The following UBR3 variants were observed in gnomAD, a reference collection of about 807,000 sequenced individuals.
UBR3 encodes E3 ubiquitin-protein ligase UBR3.
In UBR3, 85 loss-of-function variants were observed where a neutral mutation model predicts 243.2. The ratio of observed to expected loss-of-function variants is 0.35; its 90% CI spans 0.29 to 0.42. The LOEUF is 0.42. Among genes scored for constraint, UBR3 ranks in the 10% least tolerant of loss-of-function variants. The pLI, the probability that UBR3 is intolerant of heterozygous loss-of-function variation, is 1.00. For missense variants in UBR3, 1,686 were observed against 2,300.8 expected, an observed-to-expected ratio of 0.73 and a Z score of 5.47; for synonymous variants, 748 against 799.8, an observed-to-expected ratio of 0.94 and a Z score of 1.09.
At chr2:169,958,071 C>T (rs1401811604) in intron 23 of UBR3, among the ~76,000 whole-genome samples, 1 of 141,064 alleles carries the variant, frequency 7.1e-6, no homozygotes, top group African/African-American at 2.5e-5. Context: ...TTATTTGTGC[C>T]TGGGATTAAA....
At chr2:169,909,728 C>CAT (rs1251299927) in intron 10 of UBR3, among the ~76,000 whole-genome samples, 54 of 124,984 alleles carry the variant, frequency 4.3e-4, no homozygotes, top group Non-Finnish European at 4.2e-4. Context: ...TCCCACAATG[C>CAT]ATGTGTGTGT....
intron 19 of UBR3, among the ~76,000 whole-genome samples, chr2:169,935,013 C>T (rs1425873488): frequency 6.7e-6 from 1 of 149,298 alleles, no homozygotes; most frequent in Non-Finnish European, 1.5e-5. Context: ...CCAAATACCC[C>T]TGAGTGGGCA....
At chr2:169,946,187 A>C (rs2086786976) in intron 20 of UBR3, 101 bp from the exon 21 acceptor site, 1 of 596,444 alleles carries the variant, frequency 1.7e-6, no homozygotes, top group South Asian at 2.6e-5. Flanking sequence ...CTAGATATTA[A>C]AGTACTTTTC....
At chr2:169,891,077 T>C (rs2084356852) in intron 5 of UBR3, 88 bp from the exon 6 acceptor site, 1 of 910,702 alleles carries the variant, frequency 1.1e-6, no homozygotes. Flanking sequence ...GCATATATTA[T>C]GTGTTTAATG....
At chr2:169,954,830 C>G (rs2105364980) in intron 23 of UBR3, among the ~76,000 whole-genome samples, 1 of 152,286 alleles carries the variant, frequency 6.6e-6, no homozygotes, top group South Asian at 2.1e-4. Flanking sequence ...GTCTCGGCAT[C>G]CCAAAGTGCT....
chr2:169,971,780 T>G (rs908243345), intron 24 of UBR3, among the ~76,000 whole-genome samples: 1 of 152,048 alleles, frequency 6.6e-6, no homozygotes, highest in Non-Finnish European at 1.5e-5. Context: ...TAGAGGGAAA[T>G]TTATAGCACT....
At chr2:170,033,364 AC>A (rs371023060) in intron 31 of UBR3, among the ~76,000 whole-genome samples, 11 of 152,072 alleles carry the variant, frequency 7.2e-5, no homozygotes, top group African/African-American at 2.4e-4. Context: ...TGTACTAGGT[AC>A]TGTTTTATAC....
chr2:170,047,606 TGGA>T (rs1440447799), intron 32 of UBR3, among the ~76,000 whole-genome samples: 3 of 152,078 alleles, frequency 2.0e-5, no homozygotes, highest in African/African-American at 7.2e-5. Flanking sequence ...CAAGAGAGAA[TGGA>T]GGAGGAGAAC....
chr2:169,980,737 A>T (rs1221302589), intron 24 of UBR3, among the ~76,000 whole-genome samples: 48 of 150,126 alleles, frequency 3.2e-4, no homozygotes, highest in Non-Finnish European at 5.9e-4. Context: ...ATTTAGCATT[A>T]GGTATATCTC....
intron 19 of UBR3, among the ~76,000 whole-genome samples, chr2:169,933,799 C>G (rs2086225640): frequency 1.3e-5 from 2 of 152,098 alleles, no homozygotes; most frequent in African/African-American, 4.8e-5. Context: ...CTATCACAGA[C>G]AAATATCTGA....
At chr2:169,886,072 G>T (rs559337493) in intron 5 of UBR3, among the ~76,000 whole-genome samples, 2 of 150,936 alleles carry the variant, frequency 1.3e-5, no homozygotes, top group African/African-American at 2.4e-5. Context: ...CAGGAGAATC[G>T]CTTGAACCCG....
At chr2:169,839,082 A>C (rs1045613677) in intron 1 of UBR3, among the ~76,000 whole-genome samples, 1 of 152,258 alleles carries the variant, frequency 6.6e-6, no homozygotes, top group Non-Finnish European at 1.5e-5. Context: ...TGCTTATTGC[A>C]GCACCATTCA....
chr2:169,933,565 T>C (rs1270212161), intron 19 of UBR3, among the ~76,000 whole-genome samples: 6 of 152,202 alleles, frequency 3.9e-5, no homozygotes. Context: ...CCATTGTAAA[T>C]GTATTATTTC....
intron 32 of UBR3, among the ~76,000 whole-genome samples, chr2:170,051,393 G>A (rs777977372): frequency 1.3e-5 from 2 of 151,830 alleles, no homozygotes; most frequent in Non-Finnish European, 2.9e-5. Flanking sequence ...GCCCAGGCTG[G>A]AGTGCAATGG....
At chr2:169,842,098 T>C (rs2082314373) in intron 1 of UBR3, among the ~76,000 whole-genome samples, 1 of 152,260 alleles carries the variant, frequency 6.6e-6, no homozygotes, top group East Asian at 1.9e-4. Flanking sequence ...AGTGCACCAA[T>C]CGACACTCTG....
chr2:169,901,982 TCAAA>T (rs1355830509), intron 8 of UBR3, among the ~76,000 whole-genome samples: 1 of 152,198 alleles, frequency 6.6e-6, no homozygotes, highest in Non-Finnish European at 1.5e-5. Context: ...TATAAACACC[TCAAA>T]CACACAGTGT....
intron 1 of UBR3, among the ~76,000 whole-genome samples, chr2:169,844,015 T>TG (rs1444427706): frequency 6.6e-6 from 1 of 150,612 alleles, no homozygotes. Context: ...TACTTTTTTT[T>TG]TTTTTTTTGA....
At chr2:170,002,850 T>C (rs1403182486) in intron 27 of UBR3, among the ~76,000 whole-genome samples, 5 of 152,122 alleles carry the variant, frequency 3.3e-5, no homozygotes, top group Admixed American at 6.5e-5. Context: ...GTAACTTTTA[T>C]TTTATTTATT....
Position 169,827,822 on chromosome 2 carries a change from C to A in UBR3, c.315C>A (p.Asp105Glu). ...KCLLAGGGGYDEFCAAVRAYD... is the reference protein window; with the variant it reads ...KCLLAGGGGYEEFCAAVRAYD... ...TTCTGGCGGGCGGCGGCGGCTACGA[C>A]GAGTTCTGCGCGGCGGTGCGGGCCT... The change falls in exon 1 of 39, where the codon GAC becomes GAA. Residue 105 changes from aspartate (D) to glutamate (E), a missense_variant. Around this residue, in one of 8 missense-constraint regions of UBR3, gnomAD observed 145 missense variants for 243.8 expected, o/e 0.59. Transcript: ENST00000272793. The A allele has an allele frequency of 6.7e-7, 1 of 1,500,304 alleles. No homozygotes were observed. 92.9% of individuals were successfully genotyped at this position (1,500,304 alleles called of 1,614,324 possible). A position where few individuals can be genotyped will look rare whatever the true frequency, so the allele number is the denominator to read the frequency against.
Sources: gnomAD v4.1 joint callset for allele counts (sites outside exome capture counted in the v4.1 genomes callset) on GRCh38, gnomAD v4.1.1 for gene constraint, gnomAD v4.1.1 regional missense constraint, MANE v1.5 for transcripts, NCBI Gene and HGNC (gene_info 2026-07-23, HGNC 2026-07-21) for gene names.